Variants in VPS13D observed in about 807,000 individuals in gnomAD.
VPS13D encodes the protein intermembrane lipid transfer protein VPS13D.
Under a neutral mutation model 461.9 loss-of-function variants are expected in VPS13D, and 187 were observed. The observed-to-expected ratio is 0.40, with a 90% CI of 0.36 to 0.46. The LOEUF (loss-of-function observed/expected upper bound fraction) is 0.46, where lower values mean the gene tolerates loss of function less well. Ranked by LOEUF, VPS13D falls within the 20% of genes least tolerant of loss-of-function variation. The pLI is 0.60. For synonymous variants in VPS13D, 1,951 were observed against 1,986.3 expected, an observed-to-expected ratio of 0.98 and a Z score of 0.47; for missense variants, 4,711 against 5,364.9, an observed-to-expected ratio of 0.88 and a Z score of 3.81.
chr1:12,368,529 A>G lies in VPS13D; in HGVS notation c.10510A>G (p.Arg3504Gly), dbSNP rs749766532. The G allele has an allele frequency of 6.2e-6, 10 of 1,613,886 alleles. No homozygotes were observed. Among genetic ancestry groups the G allele is most frequent in the African/African-American group, 1.3e-5 (1 of 74,934 alleles). Residue 3504 changes from arginine (R) to glycine (G), a missense_variant, in exon 53 of 70, where the codon AGG becomes GGG. Arg to Gly is a moderately radical substitution (Grantham distance 125). Transcript: ENST00000620676. ...VEITLRGATY[R>G]ISFSDTDQLP... The stretch of plus-strand genomic sequence containing the variant: ...AATTACTCTCCGAGGAGCTACGTAT[A>G]GGATCTCATTTAGTGACACAGATCA...
At chr1:12,308,732 C>A in intron 27 of VPS13D, 91 bp downstream of exon 27, 1 of 1,215,196 alleles carries the variant, frequency 8.2e-7, no homozygotes, top group Non-Finnish European at 1.2e-6. Context: ...TCACTGCAAC[C>A]TCCACCTCTG....
chr1:12,266,134 C>T (rs1641260091), intron 13 of VPS13D, among the ~76,000 whole-genome samples: 1 of 152,174 alleles, frequency 6.6e-6, no homozygotes, highest in African/African-American at 2.4e-5. Context: ...CACTGCACTC[C>T]AGCCTGGGTG....
intron 13 of VPS13D, among the ~76,000 whole-genome samples, chr1:12,264,640 A>G (rs956279288): frequency 1.3e-5 from 2 of 152,208 alleles, no homozygotes; most frequent in Non-Finnish European, 2.9e-5. Context: ...AGGTGAGGAA[A>G]CTGCAGAAGA....
chr1:12,427,341 T>G (rs1322628413), intron 65 of VPS13D, among the ~76,000 whole-genome samples: 1 of 151,382 alleles, frequency 6.6e-6, no homozygotes, highest in African/African-American at 2.4e-5. Flanking sequence ...ATAATTTTGC[T>G]CAAGATGGCC....
chr1:12,426,090 T>C (rs1449256805), intron 65 of VPS13D, among the ~76,000 whole-genome samples: 1 of 152,218 alleles, frequency 6.6e-6, no homozygotes, highest in African/African-American at 2.4e-5. Context: ...TCTAATCTAG[T>C]GTAAAAGGGT....
At chr1:12,370,596 G>C (rs1570025676) in intron 54 of VPS13D, among the ~76,000 whole-genome samples, 1 of 152,328 alleles carries the variant, frequency 6.6e-6, no homozygotes, top group East Asian at 1.9e-4. Context: ...TGCAGAGAAG[G>C]ACCATTCTTT....
chr1:12,479,022 C>T (rs1645675186), intron 67 of VPS13D: 1 of 397,476 alleles, frequency 2.5e-6, no homozygotes, highest in Admixed American at 2.7e-5. Context: ...TGGAAGGCCG[C>T]CCCACGGAGT....
At chr1:12,460,833 A>C (rs971545682) in intron 67 of VPS13D, among the ~76,000 whole-genome samples, 1 of 152,112 alleles carries the variant, frequency 6.6e-6, no homozygotes, top group Non-Finnish European at 1.5e-5. Flanking sequence ...CCCGTGATAT[A>C]GTTCTAGAAT....
At position 12,385,556 on chromosome 1, in the gene VPS13D, T is replaced by G. The variant is rs561305485; in HGVS notation, c.11484+183T>G. Among the ~76,000 whole-genome samples the G allele has an allele frequency of 4.6e-5, 7 of 152,246 alleles. No individual in the cohort carries two copies. In the East Asian group the frequency reaches 1.3e-3, roughly 29 times the overall value. On this transcript the variant is annotated intron_variant, in intron 59 of 69. Transcript: ENST00000620676. ...GTATTATGTAAATGACAACAAAGTT[T>G]ATGTGGAATCAGCATGTAGTAAGCA...
At position 12,369,513 on chromosome 1, in the gene VPS13D, G is replaced by A. The variant is rs562706781; in HGVS notation, c.10619G>A (p.Arg3540Gln). The change falls in exon 54 of 70, where the codon CGG becomes CAG. Residue 3540 changes from arginine (R) to glutamine (Q), a missense_variant. Arg to Gln is a conservative substitution (Grantham distance 43, BLOSUM62 1). Coordinates refer to ENST00000620676, the MANE Select transcript of VPS13D (RefSeq NM_015378.4). ...TQHGVAEPRL[R>Q]TEVKPMTSLD... ...CATGGCGTAGCTGAACCCAGGCTCC[G>A]GACTGAAGTGAAGCCCATGACTTCA... 17 of 1,614,068 alleles carry A rather than the reference G, an allele frequency of 1.1e-5. No individual in the cohort carries two copies. Among genetic ancestry groups the A allele is most frequent in the South Asian group, 9.9e-5 (9 of 91,070 alleles).
At chr1:12,353,315 C>T (rs1175537312) in intron 46 of VPS13D, among the ~76,000 whole-genome samples, 4 of 151,932 alleles carry the variant, frequency 2.6e-5, no homozygotes, top group Non-Finnish European at 5.9e-5. Flanking sequence ...AGGCAGATCA[C>T]GAGGTCAGGA....
chr1:12,271,569 G>A lies in VPS13D; in HGVS notation c.2103+445G>A, dbSNP rs376315374. ...CTGTAATCCCAGCTGCTCAGGAGGC[G>A]GAGGCAGGAGAATCACTTGAACCTG... On this transcript the variant is annotated intron_variant, in intron 17 of 69. Transcript: ENST00000620676. 3.4e-4 allele frequency among the ~76,000 whole-genome samples: 51 copies of A among 152,078 alleles called. 3 individuals are homozygous for A. Among genetic ancestry groups the A allele is most frequent in the Admixed American group, 2.2e-3 (33 of 15,278 alleles).
chr1:12,511,153 GC>G lies in VPS13D; in HGVS notation c.*2135del. The G allele has an allele frequency of 6.6e-6, 1 of 152,354 alleles. No homozygotes were observed. Among genetic ancestry groups the G allele is most frequent in the East Asian group, 1.9e-4 (1 of 5,190 alleles). 9.4% of individuals were successfully genotyped at this position (152,354 alleles called of 1,614,324 possible). A position where few individuals can be genotyped will look rare whatever the true frequency, so the allele number is the denominator to read the frequency against. ...GAGGAATCCAGAGAAGTGTTCAGAT[GC>G]CCCCCTTGGGCTCCTTTCTAATTTT... On this transcript the variant is annotated 3_prime_UTR_variant, in exon 70 of 70. Transcript: ENST00000620676. The surrounding 1 kb of genome is among the most constrained non-coding windows in gnomAD (Gnocchi z 4.5).
chr1:12,282,311 C>A (rs1366780308), intron 20 of VPS13D, among the ~76,000 whole-genome samples: 11 of 152,226 alleles, frequency 7.2e-5, no homozygotes, highest in Non-Finnish European at 1.3e-4. Context: ...TTGGCTGTTA[C>A]TCTAACTGGT....
chr1:12,458,273 CCTT>C (rs1442978973), intron 66 of VPS13D, among the ~76,000 whole-genome samples: 5 of 152,136 alleles, frequency 3.3e-5, no homozygotes, highest in Non-Finnish European at 7.4e-5. Flanking sequence ...CACTCAATCC[CCTT>C]GATGTAAGAA....
In VPS13D at chr1:12,509,046, GC is replaced by G; in HGVS notation, c.*23del. ...CTGAAGCCCCGCTGCTGAGATGGGC[GC>G]TCCCGACACAGCGCAGACCCACCAG... is the stretch of plus-strand genomic sequence containing the variant. On this transcript the variant is annotated 3_prime_UTR_variant, in exon 70 of 70. Coordinates refer to ENST00000620676, the MANE Select transcript of VPS13D (RefSeq NM_015378.4). 1 of 1,612,524 alleles carries G rather than the reference GC, an allele frequency of 6.2e-7. No individual in the cohort carries two copies. Among genetic ancestry groups the G allele is most frequent in the Non-Finnish European group, 8.5e-7 (1 of 1,179,334 alleles).
chr1:12,308,006 G>A lies in VPS13D; in HGVS notation c.6440-425G>A, dbSNP rs1339783128. Among the ~76,000 whole-genome samples the A allele has an allele frequency of 2.0e-5, 3 of 152,120 alleles. No individual in the cohort carries two copies. The East Asian group carries it at 5.8e-4, about 29-fold the overall frequency. ...GGATCTGGTCAGTGGAAATGGACGT[G>A]GTTACATGTGGCAGTATTTGTTTGA... On this transcript the variant is annotated intron_variant, in intron 26 of 69. Transcript: ENST00000620676.
intron 41 of VPS13D, 132 bp from the exon 42 acceptor site, chr1:12,342,767 G>A: frequency 9.7e-7 from 1 of 1,032,886 alleles, no homozygotes; most frequent in Non-Finnish European, 1.3e-6. Context: ...GTCATTCTTT[G>A]TAGCTAGGTC....
At chr1:12,453,859 G>A (rs549087874) in intron 65 of VPS13D, 1 of 152,278 alleles carries the variant, frequency 6.6e-6, no homozygotes, top group Non-Finnish European at 1.5e-5. Context: ...GCCAGAGCTG[G>A]AAAGGATTTT....
Sources: allele counts gnomAD v4.1 joint callset (sites outside exome capture counted in the v4.1 genomes callset), GRCh38; gene constraint gnomAD v4.1.1; non-coding constraint Gnocchi (gnomAD v3.1); transcripts MANE v1.5; gene names NCBI Gene and HGNC (gene_info 2026-07-23, HGNC 2026-07-21).